The following CCDC102B variants were observed in gnomAD, a reference collection of about 807,000 sequenced individuals.
CCDC102B encodes coiled-coil domain-containing protein 102B.
A neutral mutation model predicts 57.4 loss-of-function variants in CCDC102B; 75 were observed. The ratio of observed to expected loss-of-function variants is 1.31; its 90% confidence interval spans 1.08 to 1.58. The LOEUF is 1.58. CCDC102B is among the 40% of genes most tolerant of loss of function. The pLI, the probability that CCDC102B is intolerant of heterozygous loss-of-function variation, is 0.00. For missense variants in CCDC102B, 636 were observed against 582.6 expected, an observed-to-expected ratio of 1.09 and a Z score of -0.94; for synonymous variants, 206 against 201.9, an observed-to-expected ratio of 1.02 and a Z score of -0.17.
intron 3 of CCDC102B, among the ~76,000 whole-genome samples, chr18:68,841,221 A>AT (rs1314335997): frequency 2.0e-5 from 3 of 152,004 alleles, no homozygotes; most frequent in Non-Finnish European, 2.9e-5. Flanking sequence ...ATGTGAATGT[A>AT]TTTTTTTCTG....
At chr18:68,733,291 A>G (rs1158305130) in intron 2 of CCDC102B, among the ~76,000 whole-genome samples, 3 of 152,070 alleles carry the variant, frequency 2.0e-5, no homozygotes, top group Non-Finnish European at 2.9e-5. Flanking sequence ...CAATTAAAAC[A>G]TTAAAGAACA....
intron 2 of CCDC102B, among the ~76,000 whole-genome samples, chr18:68,761,982 T>A (rs2034269235): frequency 6.6e-6 from 1 of 152,148 alleles, no homozygotes; most frequent in Non-Finnish European, 1.5e-5. Flanking sequence ...GTAATTCCGG[T>A]CTGTTTAAAC....
chr18:68,800,328 G>T (rs17079717), intron 1 of CCDC102B, among the ~76,000 whole-genome samples: 6,659 of 152,072 alleles, frequency 0.044, 221 homozygotes, highest in African/African-American at 0.086. Flanking sequence ...GGGATTTTAG[G>T]GTGCAGGGAG....
At chr18:68,874,159 AGTGTGTGTGTATGTGT>A (rs2039341902) in intron 4 of CCDC102B, among the ~76,000 whole-genome samples, 3 of 124,194 alleles carry the variant, frequency 2.4e-5, no homozygotes, top group African/African-American at 6.1e-5. Flanking sequence ...CAGCCCAAGC[AGTGTGTGTGTATGTGT>A]GTGTGTGTGT....
chr18:68,956,924 C>A (rs923844640), intron 6 of CCDC102B, among the ~76,000 whole-genome samples: 1 of 151,630 alleles, frequency 6.6e-6, no homozygotes, highest in Non-Finnish European at 1.5e-5. Flanking sequence ...ATGTGTATGT[C>A]TTCTTTTGAG....
At chr18:69,015,690 G>T (rs1374581258) in intron 7 of CCDC102B, among the ~76,000 whole-genome samples, 1 of 152,022 alleles carries the variant, frequency 6.6e-6, no homozygotes, top group East Asian at 1.9e-4. Flanking sequence ...AAAAAATCTG[G>T]GATCTAATTA....
At chr18:68,745,381 C>T (rs922812143) in intron 2 of CCDC102B, among the ~76,000 whole-genome samples, 3 of 152,146 alleles carry the variant, frequency 2.0e-5, no homozygotes, top group Middle Eastern at 3.4e-3. Context: ...CCTCCCACAC[C>T]GTATAGTACC....
chr18:68,910,335 A>G (rs1273182217), intron 6 of CCDC102B, among the ~76,000 whole-genome samples: 1 of 152,180 alleles, frequency 6.6e-6, no homozygotes, highest in Non-Finnish European at 1.5e-5. Context: ...ACAAAAATCA[A>G]TTAGGTATGA....
chr18:68,854,567 C>T (rs2038297781), intron 4 of CCDC102B, among the ~76,000 whole-genome samples: 1 of 151,998 alleles, frequency 6.6e-6, no homozygotes, highest in South Asian at 2.1e-4. Context: ...TTCTAAAAAC[C>T]AAAACTTCAA....
chr18:68,759,818 T>C (rs563585807), intron 2 of CCDC102B, among the ~76,000 whole-genome samples: 3 of 152,188 alleles, frequency 2.0e-5, no homozygotes, highest in African/African-American at 7.2e-5. Context: ...ATCCCTGCTA[T>C]AGGGGACCAC....
intron 1 of CCDC102B, among the ~76,000 whole-genome samples, chr18:68,821,287 A>C (rs534410775): frequency 4.6e-5 from 7 of 152,188 alleles, no homozygotes; most frequent in African/African-American, 1.4e-4. Flanking sequence ...AATTTAGTGC[A>C]GTCATTTATT....
intron 2 of CCDC102B, among the ~76,000 whole-genome samples, chr18:68,781,247 A>C (rs2034998719): frequency 6.6e-6 from 1 of 152,120 alleles, no homozygotes; most frequent in Non-Finnish European, 1.5e-5. Flanking sequence ...ATTGAAAAGA[A>C]ACATCTATGA....
chr18:68,988,566 CA>C (rs4021722), intron 6 of CCDC102B, among the ~76,000 whole-genome samples: 33 of 136,372 alleles, frequency 2.4e-4, no homozygotes, highest in South Asian at 8.9e-4. Flanking sequence ...CAAAAAAAAA[CA>C]AAAAAAAAGG....
chr18:68,744,082 T>A (rs1370388783), intron 2 of CCDC102B, among the ~76,000 whole-genome samples: 1 of 152,228 alleles, frequency 6.6e-6, no homozygotes, highest in Non-Finnish European at 1.5e-5. Context: ...ATGGGACATT[T>A]TCTATATTGT....
At chr18:68,896,775 G>C (rs542001498) in intron 5 of CCDC102B, among the ~76,000 whole-genome samples, 2 of 151,954 alleles carry the variant, frequency 1.3e-5, no homozygotes, top group South Asian at 2.1e-4. Flanking sequence ...GAGAGATAGA[G>C]AGATAGAGAT....
chr18:68,848,031 T>C (rs2037953325), intron 4 of CCDC102B, among the ~76,000 whole-genome samples: 1 of 151,772 alleles, frequency 6.6e-6, no homozygotes, highest in African/African-American at 2.4e-5. Context: ...TAAGGTGAAA[T>C]TTTTAAAAAT....
intron 4 of CCDC102B, among the ~76,000 whole-genome samples, chr18:68,851,928 TAATGTTCATA>T (rs2038145982): frequency 6.6e-6 from 1 of 152,190 alleles, no homozygotes; most frequent in African/African-American, 2.4e-5. Context: ...TTCCAGAGAC[TAATGTTCATA>T]AATCCAAAGC....
chr18:69,039,588 G>A (rs1387788974), intron 7 of CCDC102B, among the ~76,000 whole-genome samples: 1 of 151,870 alleles, frequency 6.6e-6, no homozygotes, highest in Non-Finnish European at 1.5e-5. Flanking sequence ...ATATGTGTCA[G>A]TTTGGTTAAA....
intron 5 of CCDC102B, among the ~76,000 whole-genome samples, chr18:68,879,456 T>C (rs2039592258): frequency 6.6e-6 from 1 of 152,074 alleles, no homozygotes; most frequent in African/African-American, 2.4e-5. Context: ...ATTGGTAGAG[T>C]CCAGTGGTCT....
Sources: gnomAD v4.1 joint callset for allele counts (sites outside exome capture counted in the v4.1 genomes callset) on GRCh38, gnomAD v4.1.1 for gene constraint, MANE v1.5 for transcripts, NCBI Gene and HGNC (gene_info 2026-07-23, HGNC 2026-07-21) for gene names.